Variants in FYCO1 observed in about 807,000 individuals in gnomAD.
FYCO1 encodes FYVE and coiled-coil domain autophagy adaptor 1, also known as FYVE and coiled-coil domain-containing protein 1.
In FYCO1, 122 loss-of-function variants were observed where a neutral mutation model predicts 165.1. The observed-to-expected ratio is 0.74, with a 90% CI of 0.64 to 0.86. FYCO1 has a LOEUF of 0.86. FYCO1 is among the 40% of genes least tolerant of loss of function. FYCO1 has a pLI of 0.00. For missense variants in FYCO1, 1,702 were observed against 1,810.3 expected, an observed-to-expected ratio of 0.94 and a Z score of 1.09; for synonymous variants, 648 against 742.5, an observed-to-expected ratio of 0.87 and a Z score of 2.07.
chr3:45,972,735 TG>T (rs1382202754), intron 6 of FYCO1, among the ~76,000 whole-genome samples: 3 of 152,178 alleles, frequency 2.0e-5, no homozygotes, highest in African/African-American at 7.2e-5. Context: ...CCTCTCCTAC[TG>T]CTTAGGAGCC....
Position 45,966,716 on chromosome 3 carries a change from AG to A in FYCO1, c.2617del (p.Leu873CysfsTer43), listed in dbSNP as rs748900822. On this transcript the variant is annotated frameshift_variant, in exon 8 of 18. Transcript: ENST00000296137. LOFTEE classifies it high-confidence loss of function. ...AQQREEELRA[L>X]QEELSQAKCS... Reference sequence around the variant, plus strand: ...TTTGGCCTGGGACAGCTCCTCCTGCAGGGCCCGCAGCTCCTCCTCCCTCTGC... The same window carrying A: ...TTTGGCCTGGGACAGCTCCTCCTGCAGGCCCGCAGCTCCTCCTCCCTCTGC... 3 of 1,612,640 alleles carry A rather than the reference AG, an allele frequency of 1.9e-6. No individual in the cohort carries two copies. Among genetic ancestry groups the A allele is most frequent in the Non-Finnish European group, 1.7e-6 (2 of 1,179,910 alleles).
chr3:45,938,279 G>A, intron 14 of FYCO1: 1 of 1,277,446 alleles, frequency 7.8e-7, no homozygotes, highest in Non-Finnish European at 1.0e-6. Flanking sequence ...GTAGGAATGG[G>A]ATAGGTGGGT....
chr3:45,935,782 G>A (rs1001295496), intron 15 of FYCO1, among the ~76,000 whole-genome samples: 2 of 152,182 alleles, frequency 1.3e-5, no homozygotes, highest in African/African-American at 2.4e-5. Flanking sequence ...TGATGAGGGC[G>A]AGGGGTCAGC....
Position 45,936,443 on chromosome 3 carries a change from C to T in FYCO1, c.4040+5G>A. ...GGGAGGGCCCAGGCAGCAGTTGCCACTTACATCAGTTCTCCAGACTTCAGC... is the reference window on the plus strand; with the variant it reads ...GGGAGGGCCCAGGCAGCAGTTGCCATTTACATCAGTTCTCCAGACTTCAGC... On this transcript the variant is annotated splice_donor_5th_base_variant and intron_variant, in intron 15 of 17. Coordinates refer to ENST00000296137, the MANE Select transcript of FYCO1 (RefSeq NM_024513.4). 1 of 1,609,904 alleles carries T rather than the reference C, an allele frequency of 6.2e-7. No homozygotes were observed. The highest frequency in any genetic ancestry group is 8.5e-7 in the Non-Finnish European group (1 of 1,176,190).
rs756357526 is a variant in FYCO1, at chr3:45,962,323, C to T, written c.3339G>A (p.Val1113=). 42 of 1,614,180 alleles carry T rather than the reference C, an allele frequency of 2.6e-5. No individual in the cohort carries two copies. The highest frequency in any genetic ancestry group is 3.5e-5 in the Non-Finnish European group (41 of 1,180,016). The change falls in exon 11 of 18, where the codon GTG becomes GTA. Residue 1113 remains valine (V), a synonymous_variant. Transcript: ENST00000296137. This position sits in a 1 kb window ranked among gnomAD's most constrained non-coding sequence, Gnocchi z 4.4. The part of the protein sequence containing the change: ...QEYYNKLCQE[V]TNRERNDQKM... ...TCTGGTCATTCCTCTCACGATTTGTCACCTCCTGGCAGAGTTTGTTGTAAT... is the reference window on the plus strand; with the variant it reads ...TCTGGTCATTCCTCTCACGATTTGTTACCTCCTGGCAGAGTTTGTTGTAAT...
chr3:45,973,056 T>C, intron 6 of FYCO1, 32 bp downstream of exon 6: 1 of 1,613,558 alleles, frequency 6.2e-7, no homozygotes, highest in Admixed American at 1.7e-5. Flanking sequence ...TCTCTTTTCC[T>C]GTCTTTTAAA....
intron 8 of FYCO1, 89 bp downstream of exon 8, chr3:45,966,188 G>A (rs1348891871): frequency 1.4e-6 from 2 of 1,387,626 alleles, no homozygotes; most frequent in African/African-American, 1.4e-5. Context: ...GCCCTCACCT[G>A]CCTCATGGCT....
intron 2 of FYCO1, among the ~76,000 whole-genome samples, chr3:45,982,048 G>A (rs1707087299): frequency 6.6e-6 from 1 of 152,176 alleles, no homozygotes. Flanking sequence ...CACATTTCAG[G>A]TTCTTCACTA....
At chr3:45,958,244 C>A (rs1270078658) in intron 13 of FYCO1, among the ~76,000 whole-genome samples, 164 bp downstream of exon 13, 1 of 152,338 alleles carries the variant, frequency 6.6e-6, no homozygotes, top group East Asian at 1.9e-4. Context: ...CCTAATATAT[C>A]AAAATGAAAG....
In FYCO1 at chr3:45,962,239, C is replaced by T. The variant is rs771676112; in HGVS notation, c.3423G>A (p.Leu1141=). The change falls in exon 11 of 18, where the codon CTG becomes CTA. Residue 1141 remains leucine, a synonymous_variant. Transcript: ENST00000296137. The surrounding 1 kb of genome is among the most constrained non-coding windows in gnomAD (Gnocchi z 4.4). The part of the protein sequence containing the change: ...NRTKKYLEER[L]IELLRDKDAL... Reference sequence around the variant, plus strand: ...ACAGCACTCACCTGAGCAGCTCTATCAGCCGCTCCTCGAGATACTTCTTGG... The same window carrying T: ...ACAGCACTCACCTGAGCAGCTCTATTAGCCGCTCCTCGAGATACTTCTTGG... The T allele has an allele frequency of 6.2e-7, 1 of 1,614,178 alleles. No homozygotes were observed. Among genetic ancestry groups the T allele is most frequent in the Non-Finnish European group, 8.5e-7 (1 of 1,179,994 alleles).
chr3:45,933,643 AGAAG>A (rs1026084164), intron 15 of FYCO1, among the ~76,000 whole-genome samples: 1 of 152,206 alleles, frequency 6.6e-6, no homozygotes, highest in Non-Finnish European at 1.5e-5. Flanking sequence ...GAAGGGCAGG[AGAAG>A]GAAGGCGGAC....
intron 5 of FYCO1, among the ~76,000 whole-genome samples, chr3:45,974,837 G>A (rs1429140489): frequency 6.6e-6 from 1 of 152,134 alleles, no homozygotes; most frequent in Non-Finnish European, 1.5e-5. Context: ...CACTCAGTAT[G>A]CCAGGTGAGG....
At chr3:45,938,024 A>G (rs1382591262) in intron 14 of FYCO1, among the ~76,000 whole-genome samples, 3 of 152,194 alleles carry the variant, frequency 2.0e-5, no homozygotes, top group Non-Finnish European at 4.4e-5. Flanking sequence ...CAAGGCGTAA[A>G]TACCATAAAT....
Position 45,956,655 on chromosome 3 carries a change from T to A in FYCO1, c.3800-1262A>T, listed in dbSNP as rs549048985. ...AGGGATTGTTTTTTTTTCCATCAAT[T>A]CAGCCACACTCCTGAACCTGCCTTG... On this transcript the variant is annotated intron_variant, in intron 13 of 17. Transcript: ENST00000296137. Among the ~76,000 whole-genome samples, 3 of 152,206 alleles carry A rather than the reference T, an allele frequency of 2.0e-5. No homozygotes were observed. In the South Asian group the frequency reaches 6.2e-4, roughly 32 times the overall value.
At chr3:45,961,864 TA>T (rs1010212474) in intron 11 of FYCO1, among the ~76,000 whole-genome samples, 1 of 152,210 alleles carries the variant, frequency 6.6e-6, no homozygotes, top group African/African-American at 2.4e-5. Context: ...TTGTCAGCAT[TA>T]AAAAATCAGG....
At chr3:45,947,433 T>C in intron 14 of FYCO1, 1 of 1,614,238 alleles carries the variant, frequency 6.2e-7, no homozygotes, top group Non-Finnish European at 8.5e-7. Context: ...CTCACATCAA[T>C]GGAAATCTTC....
chr3:45,963,662 G>T (rs1320703377), intron 10 of FYCO1, among the ~76,000 whole-genome samples: 2 of 152,158 alleles, frequency 1.3e-5, no homozygotes, highest in African/African-American at 4.8e-5. Flanking sequence ...TTAAAATCAG[G>T]TCTTCCTCCC....
chr3:45,923,984 T>C (rs1398045789), intron 16 of FYCO1, among the ~76,000 whole-genome samples: 1 of 152,200 alleles, frequency 6.6e-6, no homozygotes, highest in South Asian at 2.1e-4. Context: ...TCCAGAATCA[T>C]GACTTGGTCA....
At chr3:45,990,896 G>C (rs1846615) in intron 1 of FYCO1, among the ~76,000 whole-genome samples, 84,712 of 151,824 alleles carry the variant, frequency 0.56, 26,066 homozygotes, top group East Asian at 0.95. Flanking sequence ...CCTCAGCCTC[G>C]TGAGTAGCTG....
Sources: gnomAD v4.1 joint callset for allele counts (sites outside exome capture counted in the v4.1 genomes callset) on GRCh38, gnomAD v4.1.1 for gene constraint, Gnocchi (gnomAD v3.1) non-coding constraint, MANE v1.5 for transcripts, NCBI Gene and HGNC (gene_info 2026-07-23, HGNC 2026-07-21) for gene names.